Variants in DMD observed in about 807,000 individuals in gnomAD.
The protein encoded by DMD is dystrophin, also known as mutant dystrophin.
DMD carries 63 observed loss-of-function variants against 330.1 expected under a neutral mutation model. That is an observed-to-expected ratio of 0.19 (90% CI 0.16 to 0.24). DMD has a LOEUF of 0.24. Among genes scored for constraint, DMD ranks in the 10% least tolerant of loss-of-function variants. The pLI is 1.00. For missense variants in DMD, 3,344 were observed against 2,684.1 expected (o/e 1.25, Z -5.43); for synonymous variants, 1,223 against 959.8 (o/e 1.27, Z -5.07).
Position 32,783,078 on chromosome X carries a change from C to A in DMD, c.649+26415G>T, listed in dbSNP as rs749039883. ...TATACATATATGGTGTATATATACA[C>A]ACACATATACATATATGGTGTATAT... On this transcript the variant is annotated intron_variant, in intron 7 of 78. Transcript: ENST00000357033. 5.7e-4 allele frequency among the ~76,000 whole-genome samples: 58 copies of A among 101,397 alleles called. No individual in the cohort carries two copies. The East Asian group carries it at 0.016, about 29-fold the overall frequency. The allele number at this position is 101,397 out of a possible 115,157, so 88.1% of individuals were successfully genotyped here.
chrX:31,436,469 CA>C lies in DMD; in HGVS notation c.9084+8011del, dbSNP rs199950204. Among the ~76,000 whole-genome samples, 510 of 100,718 alleles carry C rather than the reference CA, an allele frequency of 5.1e-3. 2 individuals carry two copies. The highest frequency in any genetic ancestry group is 0.013 in the African/African-American group (378 of 28,152). 87.5% of individuals were successfully genotyped at this position (100,718 alleles called of 115,157 possible). ...GTAGTTTCACACATCCTGATGCCTTCAAAAAAAAAAAATAGAGAATTCCCTT... is the reference window on the plus strand; with the variant it reads ...GTAGTTTCACACATCCTGATGCCTTCAAAAAAAAAAATAGAGAATTCCCTT... On this transcript the variant is annotated intron_variant, in intron 60 of 78. Transcript: ENST00000357033.
chrX:32,502,270 A>G (rs757739563), intron 18 of DMD, among the ~76,000 whole-genome samples: 4 of 111,482 alleles, frequency 3.6e-5, no homozygotes, highest in Non-Finnish European at 7.5e-5. Context: ...TGTATATAAG[A>G]TGGAAAAAAT....
At chrX:32,936,172 C>T (rs372005945) in intron 2 of DMD, among the ~76,000 whole-genome samples, 5 of 108,608 alleles carry the variant, frequency 4.6e-5, no homozygotes, top group South Asian at 4.1e-4. Context: ...AGTGCAATGG[C>T]GCCATCTCAG....
intron 13 of DMD, among the ~76,000 whole-genome samples, chrX:32,588,673 G>A (rs1405285960): frequency 3.6e-5 from 4 of 111,856 alleles, no homozygotes; most frequent in African/African-American, 6.5e-5. Context: ...ATGGAAGAGC[G>A]GTAAGACTGA....
At position 32,503,612 on chromosome X, in the gene DMD, G is replaced by A. The variant is rs181096645; in HGVS notation, c.2293-1770C>T. Among the ~76,000 whole-genome samples, 25 of 111,466 alleles carry A rather than the reference G, an allele frequency of 2.2e-4. No homozygotes were observed. In the East Asian group the frequency reaches 6.0e-3, roughly 27 times the overall value. ...ACTCTGTCGCCCAGGCTGGAGTGCA[G>A]TGGCATGATCTCAGCTCACTGCAAC... is the stretch of plus-strand genomic sequence containing the variant. On this transcript the variant is annotated intron_variant, in intron 18 of 78. Transcript: ENST00000357033.
intron 29 of DMD, among the ~76,000 whole-genome samples, chrX:32,415,185 T>C: frequency 8.9e-6 from 1 of 112,266 alleles, no homozygotes; most frequent in Non-Finnish European, 1.9e-5. Context: ...ATTTTAATTG[T>C]ATAGGATGTA....
chrX:32,108,599 C>T (rs150221706), intron 44 of DMD, among the ~76,000 whole-genome samples: 72 of 111,585 alleles, frequency 6.5e-4, no homozygotes, highest in Non-Finnish European at 1.2e-3. Flanking sequence ...AGAAAGGAGG[C>T]CATTTTCATG....
intron 44 of DMD, among the ~76,000 whole-genome samples, chrX:32,051,836 C>T (rs991826951): frequency 6.3e-5 from 7 of 110,995 alleles, no homozygotes; most frequent in Admixed American, 4.8e-4. Context: ...TCCTTTTAAG[C>T]AAACTAGATT....
intron 52 of DMD, among the ~76,000 whole-genome samples, chrX:31,706,437 C>T (rs777848070): frequency 8.9e-5 from 10 of 111,775 alleles, no homozygotes; most frequent in African/African-American, 1.9e-4. Context: ...AGCTCCTTTA[C>T]TAATTAAATC....
At chrX:31,621,992 G>A (rs1464246848) in intron 55 of DMD, among the ~76,000 whole-genome samples, 2 of 111,595 alleles carry the variant, frequency 1.8e-5, no homozygotes, top group African/African-American at 6.5e-5. Context: ...GACATGCTAT[G>A]CTCAATTCAG....
At chrX:31,844,722 G>T (rs763568929) in intron 48 of DMD, among the ~76,000 whole-genome samples, 13 of 111,182 alleles carry the variant, frequency 1.2e-4, no homozygotes, top group African/African-American at 3.6e-4. Flanking sequence ...TTTGTAGTTA[G>T]CCCTGTAGAG....
At chrX:32,179,589 G>T (rs1262266113) in intron 44 of DMD, among the ~76,000 whole-genome samples, 1 of 111,878 alleles carries the variant, frequency 8.9e-6, no homozygotes, top group African/African-American at 3.2e-5. Context: ...TAAAAAGGAC[G>T]CCCCCTCAGG....
chrX:32,279,945 T>TGTACCCC (rs2097407795), intron 43 of DMD, among the ~76,000 whole-genome samples: 2 of 54,356 alleles, frequency 3.7e-5, no homozygotes, highest in Non-Finnish European at 8.1e-5. Flanking sequence ...CCCACATATA[T>TGTACCCC]ACACATATAT....
intron 42 of DMD, among the ~76,000 whole-genome samples, chrX:32,301,222 T>TAAAAAA (rs56329666): frequency 3.6e-4 from 27 of 74,662 alleles, no homozygotes; most frequent in African/African-American, 9.8e-4. Flanking sequence ...TGCATACATC[T>TAAAAAA]AAAAAAAAAA....
rs187976727 is a variant in DMD at position 31,371,667 on chromosome X, G to C, written c.9085-23033C>G. ...GAATCCTTCCAGCACTCAGCAAATAGCAGGAAAAACTGTCCAGACACAGCA... is the reference window on the plus strand; with the variant it reads ...GAATCCTTCCAGCACTCAGCAAATACCAGGAAAAACTGTCCAGACACAGCA... On this transcript the variant is annotated intron_variant, in intron 60 of 78. Transcript: ENST00000357033. Among the ~76,000 whole-genome samples the C allele has an allele frequency of 7.8e-4, 87 of 111,554 alleles. No homozygotes were observed. The Middle Eastern group carries it at 0.014, about 18-fold the overall frequency.
intron 60 of DMD, among the ~76,000 whole-genome samples, chrX:31,410,452 G>A (rs2061588125): frequency 1.8e-5 from 2 of 111,734 alleles, no homozygotes; most frequent in African/African-American, 3.3e-5. Flanking sequence ...AATAGAGCTA[G>A]ATGTAAAAAT....
rs41303185 is a variant in DMD, at chrX:32,441,052, G to A, written c.3921+128C>T. On this transcript the variant is annotated intron_variant, in intron 28 of 78. Transcript: ENST00000357033. ...AACAAAGGCTTTATCCAAAGTACCA[G>A]TGCTGAGTGATAACATAGTAATTAT... is the stretch of plus-strand genomic sequence containing the variant. The A allele has an allele frequency of 0.4, 302,846 of 753,346 alleles. 45,362 individuals are homozygous for A. The highest frequency in any genetic ancestry group is 0.65 in the East Asian group (18,849 of 28,909). 62.1% of individuals were successfully genotyped at this position (753,346 alleles called of 1,213,427 possible). A position where few individuals can be genotyped will look rare whatever the true frequency, so the allele number is the denominator to read the frequency against.
intron 2 of DMD, among the ~76,000 whole-genome samples, chrX:32,996,439 A>G (rs1286155503): frequency 9.0e-6 from 1 of 111,672 alleles, no homozygotes; most frequent in Non-Finnish European, 1.9e-5. Flanking sequence ...TGAAAGTATC[A>G]TGAAGAAGGA....
intron 37 of DMD, among the ~76,000 whole-genome samples, chrX:32,356,378 G>GT (rs1491271571): frequency 8.6e-4 from 15 of 17,543 alleles, no homozygotes; most frequent in Non-Finnish European, 1.4e-3. Flanking sequence ...CTGAATGGAA[G>GT]TAAAAAAAAA....
Sources: gnomAD v4.1 joint callset for allele counts (sites outside exome capture counted in the v4.1 genomes callset) on GRCh38, gnomAD v4.1.1 for gene constraint, MANE v1.5 for transcripts, NCBI Gene and HGNC (gene_info 2026-07-23, HGNC 2026-07-21) for gene names.